Variants in CATSPERT observed in about 807,000 individuals in gnomAD.
CATSPERT encodes the protein cation channel sperm-associated targeting subunit tau.
the CATSPERT span, among the ~76,000 whole-genome samples, chr2:201,520,884 C>CAG: frequency 1.6e-5 from 1 of 60,968 alleles, no homozygotes; most frequent in African/African-American, 4.4e-5. Context: ...GATCCTGTCT[C>CAG]AGAAAAAAAA....
At chr2:201,508,735 A>G in the CATSPERT span, among the ~76,000 whole-genome samples, 1 of 151,966 alleles carries the variant, frequency 6.6e-6, no homozygotes, top group Non-Finnish European at 1.5e-5. Context: ...ATTGTGAAGT[A>G]TTTGTCCTTT....
At chr2:201,591,167 T>C in the CATSPERT span, among the ~76,000 whole-genome samples, 1 of 152,148 alleles carries the variant, frequency 6.6e-6, no homozygotes, top group African/African-American at 2.4e-5. Context: ...TTGTATAAGG[T>C]GTAAGGAAGG....
chr2:201,594,411 A>C, the CATSPERT span, among the ~76,000 whole-genome samples: 2 of 151,838 alleles, frequency 1.3e-5, no homozygotes, highest in Admixed American at 6.6e-5. Flanking sequence ...TGCCCTTAAC[A>C]TTTTTTCCTT....
the CATSPERT span, among the ~76,000 whole-genome samples, chr2:201,544,638 C>T: frequency 4.0e-5 from 6 of 151,834 alleles, no homozygotes; most frequent in African/African-American, 1.5e-4. Context: ...AATAAAAATG[C>T]CTTTTCACAG....
the CATSPERT span, among the ~76,000 whole-genome samples, chr2:201,503,693 T>A: frequency 6.6e-6 from 1 of 152,242 alleles, no homozygotes; most frequent in African/African-American, 2.4e-5. Context: ...CCACTGTGCC[T>A]GGCCGAACAC....
At chr2:201,534,625 T>G in the CATSPERT span, 1 of 984,034 alleles carries the variant, frequency 1.0e-6, no homozygotes, top group African/African-American at 1.8e-5. Flanking sequence ...CAAAAAAAAG[T>G]GTTAATCATT....
the CATSPERT span, among the ~76,000 whole-genome samples, chr2:201,510,990 G>A: frequency 1.3e-5 from 2 of 152,110 alleles, no homozygotes; most frequent in Admixed American, 6.6e-5. Context: ...AACACAACCC[G>A]ACTTGTAAAT....
chr2:201,533,279 C>T, the CATSPERT span, among the ~76,000 whole-genome samples: 1 of 152,160 alleles, frequency 6.6e-6, no homozygotes, highest in Admixed American at 6.5e-5. Flanking sequence ...TGAAAAGACA[C>T]ATTTGAACTT....
chr2:201,596,253 G>GT, the CATSPERT span, among the ~76,000 whole-genome samples: 1 of 152,150 alleles, frequency 6.6e-6, no homozygotes, highest in Non-Finnish European at 1.5e-5. Context: ...CCATAAAAAA[G>GT]ATGGAGATCA....
the CATSPERT span, chr2:201,536,162 T>C: frequency 6.2e-7 from 1 of 1,613,586 alleles, no homozygotes; most frequent in Non-Finnish European, 8.5e-7. Context: ...TTCTGCCTGC[T>C]TTTATTGTTT....
the CATSPERT span, among the ~76,000 whole-genome samples, chr2:201,562,967 T>TC: frequency 6.7e-6 from 1 of 150,192 alleles, no homozygotes; most frequent in East Asian, 2.0e-4. Context: ...TCCCCACCTT[T>TC]CCCCCCTTTC....
chr2:201,548,400 C>A, the CATSPERT span, among the ~76,000 whole-genome samples: 1 of 151,978 alleles, frequency 6.6e-6, no homozygotes, highest in East Asian at 1.9e-4. Flanking sequence ...ACAGTCCTAC[C>A]CTCATGACCT....
chr2:201,614,768 T>C, the CATSPERT span, among the ~76,000 whole-genome samples: 4 of 152,060 alleles, frequency 2.6e-5, no homozygotes, highest in Non-Finnish European at 5.9e-5. Context: ...GACTGGCAAA[T>C]TGGATAAAGA....
the CATSPERT span, among the ~76,000 whole-genome samples, chr2:201,521,432 A>AGG: frequency 1.7e-5 from 1 of 59,896 alleles, no homozygotes. Flanking sequence ...AGAGACAGAC[A>AGG]GAGAGAGAGA....
At chr2:201,615,281 T>C in the CATSPERT span, among the ~76,000 whole-genome samples, 8 of 152,110 alleles carry the variant, frequency 5.3e-5, no homozygotes, top group Non-Finnish European at 1.2e-4. Flanking sequence ...TCACACTTAT[T>C]CCAAAATTGA....
the CATSPERT span, among the ~76,000 whole-genome samples, chr2:201,589,749 A>C: frequency 6.6e-6 from 1 of 152,160 alleles, no homozygotes; most frequent in Non-Finnish European, 1.5e-5. Context: ...CAAAAGCAAA[A>C]ATTGACAAAT....
chr2:201,526,513 A>G, the CATSPERT span, among the ~76,000 whole-genome samples: 2 of 152,276 alleles, frequency 1.3e-5, no homozygotes, highest in Middle Eastern at 3.4e-3. Context: ...GCAAGACTCC[A>G]TCTCAAAAAA....
At chr2:201,609,443 C>T in the CATSPERT span, among the ~76,000 whole-genome samples, 2 of 152,172 alleles carry the variant, frequency 1.3e-5, no homozygotes, top group Non-Finnish European at 2.9e-5. Context: ...TCTTAGGACA[C>T]AAAACAAGTC....
the CATSPERT span, among the ~76,000 whole-genome samples, chr2:201,571,591 T>C: frequency 6.6e-6 from 1 of 152,166 alleles, no homozygotes; most frequent in Non-Finnish European, 1.5e-5. Context: ...TCAGACAGTC[T>C]TATGTTAAGT....
Sources: gnomAD v4.1 joint callset for allele counts (sites outside exome capture counted in the v4.1 genomes callset) on GRCh38, gnomAD v4.1.1 for gene constraint, MANE v1.5 for transcripts, NCBI Gene and HGNC (gene_info 2026-07-23, HGNC 2026-07-21) for gene names.